EXOC6B: variants seen among roughly 807,000 people sequenced by gnomAD.
EXOC6B encodes exocyst complex component 6B.
A neutral mutation model predicts 113.5 loss-of-function variants in EXOC6B; 54 were observed. That is an observed-to-expected ratio of 0.48 (90% CI 0.38 to 0.60). The LOEUF (loss-of-function observed/expected upper bound fraction) is 0.60. Among genes scored for constraint, EXOC6B ranks in the 20% least tolerant of loss-of-function variants. The probability of loss-of-function intolerance (pLI) is 0.00; values close to 1 mark genes in which losing one functional copy is unlikely to be tolerated. For synonymous variants in EXOC6B, 357 were observed against 339.0 expected, an observed-to-expected ratio of 1.05 and a Z score of -0.58; for missense variants, 797 against 977.5, an observed-to-expected ratio of 0.82 and a Z score of 2.46.
At chr2:72,738,952 GTCT>G (rs1681134175) in intron 2 of EXOC6B, among the ~76,000 whole-genome samples, 1 of 152,136 alleles carries the variant, frequency 6.6e-6, no homozygotes, top group Non-Finnish European at 1.5e-5. Context: ...TTGGTATATA[GTCT>G]TCTAATCTTC....
chr2:72,672,860 G>A (rs1297155424), intron 6 of EXOC6B, among the ~76,000 whole-genome samples: 1 of 152,082 alleles, frequency 6.6e-6, no homozygotes, highest in Non-Finnish European at 1.5e-5. Flanking sequence ...ACACTTAGAG[G>A]AAATAAGACC....
intron 16 of EXOC6B, among the ~76,000 whole-genome samples, chr2:72,481,705 C>T (rs973089880): frequency 6.6e-6 from 1 of 152,094 alleles, no homozygotes; most frequent in Non-Finnish European, 1.5e-5. Flanking sequence ...ATTTCTTTAT[C>T]TGTAAAATGT....
chr2:72,489,833 G>A (rs1308718376), intron 16 of EXOC6B, among the ~76,000 whole-genome samples: 3 of 152,010 alleles, frequency 2.0e-5, no homozygotes, highest in African/African-American at 7.2e-5. Flanking sequence ...AAACTGAAAG[G>A]TAATTTTGAA....
intron 19 of EXOC6B, among the ~76,000 whole-genome samples, chr2:72,343,865 T>C (rs1017792036): frequency 6.6e-6 from 1 of 152,194 alleles, no homozygotes; most frequent in African/African-American, 2.4e-5. Context: ...GGATCTTTTC[T>C]ATGTAATGAG....
intron 7 of EXOC6B, among the ~76,000 whole-genome samples, chr2:72,562,706 T>G (rs1346067418): frequency 1.3e-5 from 2 of 152,176 alleles, no homozygotes; most frequent in Non-Finnish European, 2.9e-5. Flanking sequence ...AACTTTGTGG[T>G]AGGACGTTGT....
intron 1 of EXOC6B, among the ~76,000 whole-genome samples, chr2:72,816,977 A>G (rs775115845): frequency 1.3e-5 from 2 of 152,130 alleles, no homozygotes; most frequent in South Asian, 4.2e-4. Flanking sequence ...TAATTTTTTC[A>G]TTTTTCCAGT....
At chr2:72,322,196 G>A (rs1687878382) in intron 20 of EXOC6B, among the ~76,000 whole-genome samples, 1 of 151,934 alleles carries the variant, frequency 6.6e-6, no homozygotes, top group African/African-American at 2.4e-5. Flanking sequence ...AAAGGTGAAT[G>A]GATAATTATG....
chr2:72,356,583 A>G (rs942610938), intron 19 of EXOC6B, among the ~76,000 whole-genome samples: 1 of 152,196 alleles, frequency 6.6e-6, no homozygotes, highest in African/African-American at 2.4e-5. Flanking sequence ...ATTACCCCAA[A>G]GTAAACAGTA....
chr2:72,209,020 T>C (rs1313773014), intron 20 of EXOC6B, among the ~76,000 whole-genome samples: 2 of 151,778 alleles, frequency 1.3e-5, no homozygotes, highest in African/African-American at 4.8e-5. Context: ...GGTCAAGAGT[T>C]CAAGACCAGC....
At chr2:72,714,592 A>G (rs1679485747) in intron 6 of EXOC6B, among the ~76,000 whole-genome samples, 1 of 152,190 alleles carries the variant, frequency 6.6e-6, no homozygotes, top group South Asian at 2.1e-4. Flanking sequence ...GAACACATAC[A>G]GATCTTAAAC....
intron 20 of EXOC6B, among the ~76,000 whole-genome samples, chr2:72,210,015 T>TA (rs1357177412): frequency 9.2e-5 from 14 of 152,108 alleles, no homozygotes; most frequent in Admixed American, 8.5e-4. Context: ...GCATAATTTT[T>TA]AAAAAAGAAT....
intron 8 of EXOC6B, chr2:72,515,432 C>T (rs1701160345): frequency 8.7e-7 from 1 of 1,152,352 alleles, no homozygotes; most frequent in Admixed American, 4.5e-5. Context: ...GCAGGGAAAC[C>T]AACCTTTCCA....
At chr2:72,529,369 CA>C (rs1701885611) in intron 8 of EXOC6B, among the ~76,000 whole-genome samples, 1 of 152,146 alleles carries the variant, frequency 6.6e-6, no homozygotes, top group South Asian at 2.1e-4. Flanking sequence ...ATCTACTTAA[CA>C]TTTTGTTTTA....
chr2:72,595,061 C>G (rs1669983839), intron 6 of EXOC6B, among the ~76,000 whole-genome samples: 1 of 151,912 alleles, frequency 6.6e-6, no homozygotes, highest in Non-Finnish European at 1.5e-5. Context: ...GAGTTCAAGA[C>G]CAACCTGACC....
chr2:72,808,723 C>CA (rs1312779611), intron 1 of EXOC6B, among the ~76,000 whole-genome samples: 1 of 152,084 alleles, frequency 6.6e-6, no homozygotes, highest in Non-Finnish European at 1.5e-5. Flanking sequence ...ATCAGGGCAG[C>CA]AGTGAGCCAT....
At chr2:72,530,189 C>A (rs1701929995) in intron 8 of EXOC6B, among the ~76,000 whole-genome samples, 1 of 152,034 alleles carries the variant, frequency 6.6e-6, no homozygotes, top group South Asian at 2.1e-4. Context: ...TTTTGCCTTT[C>A]TTTTCCTAGG....
intron 21 of EXOC6B, among the ~76,000 whole-genome samples, chr2:72,179,936 C>A (rs781429932): frequency 1.3e-5 from 2 of 152,188 alleles, no homozygotes; most frequent in Non-Finnish European, 2.9e-5. Flanking sequence ...TCCAACAGAA[C>A]ATGAATAACT....
chr2:72,623,157 T>C (rs1671849842), intron 6 of EXOC6B, among the ~76,000 whole-genome samples: 2 of 152,184 alleles, frequency 1.3e-5, no homozygotes, highest in African/African-American at 4.8e-5. Context: ...CTGAAAAGTT[T>C]ATATAGAAAT....
At chr2:72,803,481 T>G (rs1685412460) in intron 1 of EXOC6B, among the ~76,000 whole-genome samples, 1 of 152,148 alleles carries the variant, frequency 6.6e-6, no homozygotes, top group South Asian at 2.1e-4. Context: ...ATATTAAGGC[T>G]TCATTTACGA....
Sources: gnomAD v4.1 joint callset for allele counts (sites outside exome capture counted in the v4.1 genomes callset) on GRCh38, gnomAD v4.1.1 for gene constraint, MANE v1.5 for transcripts, NCBI Gene and HGNC (gene_info 2026-07-23, HGNC 2026-07-21) for gene names.